KIAA1755: variants seen among roughly 807,000 people sequenced by gnomAD.
The protein encoded by KIAA1755 is uncharacterized protein KIAA1755.
A neutral mutation model predicts 91.7 loss-of-function variants in KIAA1755; 68 were observed. The ratio of observed to expected loss-of-function variants is 0.74; its 90% confidence interval spans 0.61 to 0.91. The LOEUF is 0.91. Among genes scored for constraint, KIAA1755 ranks in the 40% least tolerant of loss-of-function variants. The probability of loss-of-function intolerance (pLI) is 0.00; values close to 1 mark genes in which losing one functional copy is unlikely to be tolerated. For missense variants in KIAA1755, 1,535 were observed against 1,494.4 expected (o/e 1.03, Z -0.45); for synonymous variants, 610 against 604.6 (o/e 1.01, Z -0.13).
intron 9 of KIAA1755, chr20:38,222,917 TA>T (rs1395446430): frequency 2.4e-6 from 1 of 422,554 alleles, no homozygotes; most frequent in African/African-American, 2.0e-5. Flanking sequence ...GCAAATCTGA[TA>T]ACCCCTGGTT....
At chr20:38,216,004 T>C (rs1178058882) in intron 13 of KIAA1755, among the ~76,000 whole-genome samples, 2 of 152,160 alleles carry the variant, frequency 1.3e-5, no homozygotes, top group Non-Finnish European at 2.9e-5. Context: ...GACCTCTCTG[T>C]TTCCTTAGGT....
chr20:38,253,070 C>CCTGGGCCA (rs1555831261), intron 1 of KIAA1755, among the ~76,000 whole-genome samples: 2 of 147,382 alleles, frequency 1.4e-5, no homozygotes, highest in Non-Finnish European at 3.0e-5. Flanking sequence ...GCCCGCAGCC[C>CCTGGGCCA]GGCAGGAGCC....
intron 9 of KIAA1755, 157 bp from the exon 10 acceptor site, chr20:38,222,754 ATG>A (rs1326542763): frequency 1.4e-5 from 11 of 776,338 alleles, no homozygotes; most frequent in African/African-American, 1.2e-4. Context: ...CCCTCTAGCC[ATG>A]TCCCCTCTCG....
At chr20:38,236,439 A>T (rs1231361948) in intron 4 of KIAA1755, among the ~76,000 whole-genome samples, 1 of 152,132 alleles carries the variant, frequency 6.6e-6, no homozygotes, top group East Asian at 1.9e-4. Context: ...CTAGGAAGTG[A>T]GTGTGGATGG....
At chr20:38,217,694 C>T in intron 12 of KIAA1755, 1 of 586,956 alleles carries the variant, frequency 1.7e-6, no homozygotes, top group Non-Finnish European at 3.0e-6. Flanking sequence ...TTCTGGAAGT[C>T]TCCAGGCCCT....
chr20:38,220,601 A>G (rs1422500119), intron 10 of KIAA1755, among the ~76,000 whole-genome samples: 3 of 152,204 alleles, frequency 2.0e-5, no homozygotes, highest in Non-Finnish European at 4.4e-5. Flanking sequence ...GGCATAAGCC[A>G]CCACGCCCGG....
chr20:38,228,998 A>G (rs1305018046), intron 5 of KIAA1755, among the ~76,000 whole-genome samples: 4 of 151,552 alleles, frequency 2.6e-5, no homozygotes, highest in African/African-American at 9.7e-5. Context: ...TCCTCACCCT[A>G]CTCCTCTCCC....
chr20:38,213,843 G>T, intron 13 of KIAA1755, 100 bp from the exon 14 acceptor site: 1 of 824,060 alleles, frequency 1.2e-6, no homozygotes, highest in Non-Finnish European at 1.8e-6. Flanking sequence ...CGCTCAGCTT[G>T]GCCATGATCT....
chr20:38,216,920 T>G, intron 13 of KIAA1755: 66 of 529,130 alleles, frequency 1.2e-4, no homozygotes, highest in East Asian at 4.4e-4. Context: ...TGGGGAAGCA[T>G]ATAAGGCATG....
At chr20:38,251,660 G>T (rs2076251517) in intron 1 of KIAA1755, among the ~76,000 whole-genome samples, 1 of 151,636 alleles carries the variant, frequency 6.6e-6, no homozygotes, top group African/African-American at 2.4e-5. Flanking sequence ...CCGCCTCCCG[G>T]GCTCAAGTGA....
At chr20:38,222,359 T>C in intron 10 of KIAA1755, 90 bp downstream of exon 10, 1 of 1,404,182 alleles carries the variant, frequency 7.1e-7, no homozygotes, top group East Asian at 2.3e-5. Flanking sequence ...GGGGCTCAGC[T>C]ATGTGTGCCC....
At position 38,219,711 on chromosome 20, in the gene KIAA1755, A is replaced by T. The variant is rs1354568103; in HGVS notation, c.2475T>A (p.Val825=). ...LYSLVDEQLH[V]LVTASNSLLG... ...GGAGGCTGTTGGAAGCGGTGACCAG[A>T]ACATGAAGCTGCTCGTCCACAAGGC... The change falls in exon 11 of 14, where the codon GTT becomes GTA. Residue 825 remains valine (V), a synonymous_variant. Coordinates refer to ENST00000279024, the MANE Select transcript of KIAA1755 (RefSeq NM_001029864.2). 6.2e-7 allele frequency: 1 copy of T among 1,614,148 alleles called. No homozygotes were observed. Among genetic ancestry groups the T allele is most frequent in the Non-Finnish European group, 8.5e-7 (1 of 1,180,006 alleles).
intron 4 of KIAA1755, among the ~76,000 whole-genome samples, chr20:38,234,089 C>T (rs372978908): frequency 1.4e-4 from 22 of 152,164 alleles, no homozygotes; most frequent in African/African-American, 5.1e-4. Flanking sequence ...ACACCTTGAT[C>T]TTGGACTTCC....
At position 38,210,518 on chromosome 20, in the gene KIAA1755, C is replaced by T. The variant is rs879669802; in HGVS notation, c.*2524G>A. ...AAAAGAAATGTTAGCTGTTATTATT[C>T]GATATTTTTATACATTGTTACTCAT... On this transcript the variant is annotated 3_prime_UTR_variant, in exon 14 of 14. Transcript: ENST00000279024. 4 of 152,208 alleles carry T rather than the reference C, an allele frequency of 2.6e-5. No individual in the cohort carries two copies. Among genetic ancestry groups the T allele is most frequent in the African/African-American group, 4.8e-5 (2 of 41,456 alleles). The allele number at this position is 152,208 out of a possible 1,614,324, so 9.4% of individuals were successfully genotyped here.
intron 10 of KIAA1755, among the ~76,000 whole-genome samples, chr20:38,222,189 C>T (rs537277128): frequency 2.6e-5 from 4 of 152,340 alleles, no homozygotes; most frequent in Admixed American, 6.5e-5. Flanking sequence ...AATGGGTAGG[C>T]GACATCCTCT....
chr20:38,255,102 G>A (rs978070092), intron 1 of KIAA1755, among the ~76,000 whole-genome samples: 2 of 151,944 alleles, frequency 1.3e-5, no homozygotes, highest in African/African-American at 4.8e-5. Flanking sequence ...GCTTGAAACT[G>A]GGAGGCAGAA....
At chr20:38,239,884 C>A (rs1355547831) in intron 3 of KIAA1755, among the ~76,000 whole-genome samples, 159 bp from the exon 4 acceptor site, 1 of 152,106 alleles carries the variant, frequency 6.6e-6, no homozygotes, top group Non-Finnish European at 1.5e-5. Context: ...TCTAGTGTTA[C>A]CCCTCCCCAC....
At chr20:38,231,046 G>T (rs544277845) in intron 5 of KIAA1755, among the ~76,000 whole-genome samples, 156 bp downstream of exon 5, 9 of 152,320 alleles carry the variant, frequency 5.9e-5, no homozygotes, top group African/African-American at 2.2e-4. Context: ...GACTGAGGCT[G>T]TTTTGCTTTC....
chr20:38,248,928 G>A (rs1283264848), intron 1 of KIAA1755, among the ~76,000 whole-genome samples: 1 of 152,024 alleles, frequency 6.6e-6, no homozygotes, highest in Non-Finnish European at 1.5e-5. Context: ...AGACTGGAGT[G>A]CAGTGGTGCT....
Sources: gnomAD v4.1 joint callset for allele counts (sites outside exome capture counted in the v4.1 genomes callset) on GRCh38, gnomAD v4.1.1 for gene constraint, MANE v1.5 for transcripts, NCBI Gene and HGNC (gene_info 2026-07-23, HGNC 2026-07-21) for gene names.